Variants in DEPDC5 observed in about 807,000 individuals in gnomAD.
The protein encoded by DEPDC5 is DEP domain containing 5, GATOR1 subcomplex subunit, also known as GATOR1 complex protein DEPDC5.
In DEPDC5, 73 loss-of-function variants were observed where a neutral mutation model predicts 217.3. That is an observed-to-expected ratio of 0.34 (90% confidence interval 0.28 to 0.41). The LOEUF is 0.41. Ranked by LOEUF, DEPDC5 falls within the 10% of genes least tolerant of loss-of-function variation. The probability of loss-of-function intolerance (pLI) is 1.00; values close to 1 mark genes in which losing one functional copy is unlikely to be tolerated. For missense variants in DEPDC5, 1,675 were observed against 2,070.1 expected (o/e 0.81, Z 3.70); for synonymous variants, 733 against 756.7 (o/e 0.97, Z 0.51).
chr22:31,787,814 T>TAAAAAA (rs373550815), intron 10 of DEPDC5, among the ~76,000 whole-genome samples: 1 of 127,418 alleles, frequency 7.8e-6, no homozygotes. Context: ...CCTGTCTCTT[T>TAAAAAA]AAAAAAAAAA....
intron 4 of DEPDC5, among the ~76,000 whole-genome samples, chr22:31,763,405 G>A (rs186154899): frequency 4.2e-4 from 63 of 150,262 alleles, no homozygotes; most frequent in African/African-American, 1.4e-3. Context: ...GATTACAGGC[G>A]TGAGCCACTG....
chr22:31,811,021 C>T (rs761846745), intron 20 of DEPDC5, among the ~76,000 whole-genome samples: 2 of 151,696 alleles, frequency 1.3e-5, no homozygotes, highest in Non-Finnish European at 2.9e-5. Flanking sequence ...GTGATCTGCC[C>T]GCCTCGACCT....
chr22:31,879,139 T>TA (rs1419941225), intron 37 of DEPDC5, among the ~76,000 whole-genome samples: 2 of 149,186 alleles, frequency 1.3e-5, no homozygotes, highest in African/African-American at 4.9e-5. Flanking sequence ...TACATATATA[T>TA]TTTTAATTGA....
At chr22:31,836,443 C>G (rs2091002221) in intron 25 of DEPDC5, among the ~76,000 whole-genome samples, 1 of 152,224 alleles carries the variant, frequency 6.6e-6, no homozygotes. Flanking sequence ...TCCTAACTTT[C>G]CCAGATATCC....
chr22:31,773,353 CTT>C (rs1178617153), intron 7 of DEPDC5, among the ~76,000 whole-genome samples: 1 of 152,030 alleles, frequency 6.6e-6, no homozygotes, highest in African/African-American at 2.4e-5. Context: ...ATGCCTGGCT[CTT>C]TTTTTGTTTT....
At chr22:31,781,408 G>A (rs2084425768) in intron 8 of DEPDC5, among the ~76,000 whole-genome samples, 1 of 151,630 alleles carries the variant, frequency 6.6e-6, no homozygotes, top group Non-Finnish European at 1.5e-5. Context: ...ACACCAATCA[G>A]AAAAACATGA....
At chr22:31,822,640 A>G in intron 23 of DEPDC5, 53 bp from the exon 24 acceptor site, 1 of 1,577,702 alleles carries the variant, frequency 6.3e-7, no homozygotes, top group Non-Finnish European at 8.7e-7. Context: ...GTGAGCAGGA[A>G]AAAGAGGTGA....
intron 7 of DEPDC5, among the ~76,000 whole-genome samples, chr22:31,776,006 A>C (rs1435027112): frequency 1.3e-4 from 18 of 141,886 alleles, no homozygotes; most frequent in Non-Finnish European, 1.5e-5. Flanking sequence ...GCACCACTGC[A>C]CTCCAGACTG....
At position 31,763,077 on chromosome 22, in the gene DEPDC5, G is replaced by A. The variant is rs59703898; in HGVS notation, c.194-1898G>A. Among the ~76,000 whole-genome samples the A allele has an allele frequency of 8.7e-3, 1,326 of 152,046 alleles. 24 individuals are homozygous for A. Among genetic ancestry groups the A allele is most frequent in the African/African-American group, 0.029 (1,196 of 41,478 alleles). ...ATGGTCTCAGCTCACTGCAACCTCC[G>A]CCTCCTGGATTCAAGGGATTCTCCT... On this transcript the variant is annotated intron_variant, in intron 4 of 42. Coordinates refer to ENST00000651528, the MANE Select transcript of DEPDC5 (RefSeq NM_001242896.3).
At chr22:31,856,155 G>GCGCGCACACA (rs1226909374) in intron 31 of DEPDC5, among the ~76,000 whole-genome samples, 6,610 of 140,648 alleles carry the variant, frequency 0.047, 168 homozygotes, top group Non-Finnish European at 0.054. Flanking sequence ...GGGCCAACGC[G>GCGCGCACACA]CACACACACA....
rs373896624 is a variant in DEPDC5, at chr22:31,879,005, G to C, written c.3806-520G>C. Among the ~76,000 whole-genome samples the C allele has an allele frequency of 4.3e-5, 6 of 139,052 alleles. No homozygotes were observed. The East Asian group carries it at 1.0e-3, about 23-fold the overall frequency. 91.2% of individuals were successfully genotyped at this position (139,052 alleles called of 152,430 possible). ...TCGTGCCATCGCACCACTCCAGCCT[G>C]GGCGACAGAGCGAGACTCCGTCTCA... On this transcript the variant is annotated intron_variant, in intron 37 of 42. Coordinates refer to ENST00000651528, the MANE Select transcript of DEPDC5 (RefSeq NM_001242896.3).
intron 9 of DEPDC5, 103 bp from the exon 10 acceptor site, chr22:31,784,711 C>A: frequency 9.2e-7 from 1 of 1,085,118 alleles, no homozygotes; most frequent in Non-Finnish European, 1.4e-6. Flanking sequence ...TAGGGAATTG[C>A]TTAGAGAAGA....
At chr22:31,800,040 A>T (rs951383141) in intron 14 of DEPDC5, among the ~76,000 whole-genome samples, 2 of 151,860 alleles carry the variant, frequency 1.3e-5, no homozygotes, top group Non-Finnish European at 2.9e-5. Context: ...TGACCTCGTG[A>T]TCCGCCCACC....
At chr22:31,773,692 A>C (rs1431152198) in intron 7 of DEPDC5, among the ~76,000 whole-genome samples, 11 of 152,100 alleles carry the variant, frequency 7.2e-5, no homozygotes, top group Non-Finnish European at 1.5e-5. Flanking sequence ...AAAATAAAGT[A>C]TAGTCATTTG....
At chr22:31,807,376 A>C (rs1171428738) in intron 18 of DEPDC5, among the ~76,000 whole-genome samples, 1 of 152,242 alleles carries the variant, frequency 6.6e-6, no homozygotes, top group Non-Finnish European at 1.5e-5. Flanking sequence ...TTGATGGAAT[A>C]TATTTGCAAC....
intron 40 of DEPDC5, among the ~76,000 whole-genome samples, chr22:31,900,555 A>T (rs2093630797): frequency 2.6e-5 from 4 of 151,682 alleles, no homozygotes; most frequent in Admixed American, 2.6e-4. Flanking sequence ...CCTGGCCAAC[A>T]TGTTGAAACT....
chr22:31,865,391 G>C (rs2092661544), intron 33 of DEPDC5, among the ~76,000 whole-genome samples: 1 of 152,136 alleles, frequency 6.6e-6, no homozygotes, highest in South Asian at 2.1e-4. Context: ...TTATTTGAGA[G>C]ACTGAAGAGG....
intron 18 of DEPDC5, among the ~76,000 whole-genome samples, chr22:31,806,969 G>A (rs1035245888): frequency 1.3e-5 from 2 of 152,160 alleles, no homozygotes; most frequent in Non-Finnish European, 2.9e-5. Context: ...CTATAATTGC[G>A]CCATTGCACG....
At chr22:31,766,963 TCTC>T (rs976622786) in intron 6 of DEPDC5, among the ~76,000 whole-genome samples, 8 of 152,134 alleles carry the variant, frequency 5.3e-5, no homozygotes, top group Non-Finnish European at 7.3e-5. Context: ...GCTCCTCACA[TCTC>T]CTCATGGACA....
Sources: allele counts gnomAD v4.1 joint callset (sites outside exome capture counted in the v4.1 genomes callset), GRCh38; gene constraint gnomAD v4.1.1; transcripts MANE v1.5; gene names NCBI Gene and HGNC (gene_info 2026-07-23, HGNC 2026-07-21).